Variants in UPRT observed in about 807,000 individuals in gnomAD.
UPRT encodes uracil phosphoribosyltransferase homolog, also known as RP11-311P8.3.
In UPRT, 5 loss-of-function variants were observed where a neutral mutation model predicts 22.6. The observed-to-expected ratio is 0.22, with a 90% confidence interval of 0.12 to 0.47. The LOEUF (loss-of-function observed/expected upper bound fraction) is 0.47. Ranked by LOEUF, UPRT falls within the 20% of genes least tolerant of loss-of-function variation. The pLI is 0.99. For missense variants in UPRT, 181 were observed against 239.9 expected, an observed-to-expected ratio of 0.75 and a Z score of 1.62; for synonymous variants, 77 against 87.7, an observed-to-expected ratio of 0.88 and a Z score of 0.68.
chrX:75,189,702 C>G (rs1294986885), intron 4 of UPRT, among the ~76,000 whole-genome samples: 1 of 112,207 alleles, frequency 8.9e-6, no homozygotes, highest in African/African-American at 3.2e-5. Context: ...ATATTTAGCT[C>G]TTCTTGTTGA....
At chrX:75,238,813 C>T (rs1010337727) in intron 4 of UPRT, among the ~76,000 whole-genome samples, 2 of 111,546 alleles carry the variant, frequency 1.8e-5, no homozygotes, top group Non-Finnish European at 3.8e-5. Flanking sequence ...TCAATAGGAA[C>T]CCTTAAAAGT....
intron 4 of UPRT, among the ~76,000 whole-genome samples, chrX:75,180,405 G>C (rs894402783): frequency 1.8e-5 from 2 of 111,885 alleles, no homozygotes; most frequent in Non-Finnish European, 3.8e-5. Flanking sequence ...TAGACCTTCA[G>C]GTTCCCCAGT....
intron 6 of UPRT, 67 bp from the exon 7 acceptor site, chrX:75,303,338 C>T: frequency 1.1e-6 from 1 of 886,181 alleles, no homozygotes; most frequent in Non-Finnish European, 1.6e-6. Context: ...GCAATAACTA[C>T]AAAATTCCTG....
At chrX:75,205,346 C>T (rs2082361824) in intron 4 of UPRT, among the ~76,000 whole-genome samples, 1 of 97,794 alleles carries the variant, frequency 1.0e-5, no homozygotes, top group Non-Finnish European at 2.0e-5. Context: ...GTCTGCAGTC[C>T]GCAGTCCGGC....
At chrX:75,207,034 T>C (rs923743410) in intron 4 of UPRT, among the ~76,000 whole-genome samples, 84 of 112,403 alleles carry the variant, frequency 7.5e-4, no homozygotes, top group Non-Finnish European at 7.5e-5. Flanking sequence ...GTTATGGCAT[T>C]TGTAGCCTTT....
At chrX:75,258,100 G>A (rs1311528561) in intron 4 of UPRT, among the ~76,000 whole-genome samples, 2 of 110,648 alleles carry the variant, frequency 1.8e-5, no homozygotes, top group African/African-American at 6.6e-5. Context: ...CTGCAGACCT[G>A]GAGATTCCCT....
chrX:75,242,128 T>G (rs1038680630), intron 4 of UPRT, among the ~76,000 whole-genome samples: 6 of 111,727 alleles, frequency 5.4e-5, no homozygotes, highest in Non-Finnish European at 9.4e-5. Context: ...GTAGACATTT[T>G]GAGATCTAAG....
intron 4 of UPRT, among the ~76,000 whole-genome samples, chrX:75,192,592 T>C (rs1326113003): frequency 8.9e-6 from 1 of 111,796 alleles, no homozygotes; most frequent in African/African-American, 3.3e-5. Context: ...TGTGTGGTTA[T>C]CTAAATCTCT....
chrX:75,258,396 A>G (rs1278020827), intron 4 of UPRT, among the ~76,000 whole-genome samples: 1 of 109,603 alleles, frequency 9.1e-6, no homozygotes, highest in Non-Finnish European at 1.9e-5. Flanking sequence ...CTGCCAGTAC[A>G]GTAGTCTGAG....
chrX:75,235,579 C>T (rs1338754105), intron 4 of UPRT, among the ~76,000 whole-genome samples: 3 of 111,701 alleles, frequency 2.7e-5, no homozygotes, highest in East Asian at 2.8e-4. Context: ...TCCAGCAGCA[C>T]ATCAAAAAGC....
At chrX:75,211,175 AAGAGGGGAGTGAGTACCCC>A (rs1418095109) in intron 4 of UPRT, among the ~76,000 whole-genome samples, 1 of 110,926 alleles carries the variant, frequency 9.0e-6, no homozygotes, top group Non-Finnish European at 1.9e-5. Flanking sequence ...AGAAATTTAG[AAGAGGGGAGTGAGTACCCC>A]AGAGGGGAGT....
chrX:75,236,899 A>T (rs1410430156), intron 4 of UPRT, among the ~76,000 whole-genome samples: 1 of 112,507 alleles, frequency 8.9e-6, no homozygotes, highest in Non-Finnish European at 1.9e-5. Flanking sequence ...CAAGGACTTC[A>T]TGTCTAAAAC....
intron 4 of UPRT, among the ~76,000 whole-genome samples, chrX:75,249,847 T>G (rs1239658983): frequency 8.1e-5 from 9 of 110,980 alleles, no homozygotes; most frequent in Non-Finnish European, 1.5e-4. Flanking sequence ...GAACAGAAAT[T>G]ATAACAAACT....
At chrX:75,257,408 C>T (rs1476653402) in intron 4 of UPRT, among the ~76,000 whole-genome samples, 1 of 111,471 alleles carries the variant, frequency 9.0e-6, no homozygotes, top group Non-Finnish European at 1.9e-5. Context: ...CCACAGCCAA[C>T]ATAATATTGA....
chrX:75,225,477 C>G (rs1369595668), intron 4 of UPRT, among the ~76,000 whole-genome samples: 1 of 110,863 alleles, frequency 9.0e-6, no homozygotes, highest in Non-Finnish European at 1.9e-5. Context: ...CAGTTTTACT[C>G]CTCCTGAGAA....
At chrX:75,264,958 T>G (rs1283163161) in intron 4 of UPRT, among the ~76,000 whole-genome samples, 2 of 112,112 alleles carry the variant, frequency 1.8e-5, no homozygotes, top group Non-Finnish European at 3.8e-5. Context: ...TTGGCTGATA[T>G]GAAATTCTGG....
chrX:75,275,191 C>T (rs1457585907), intron 1 of UPRT, among the ~76,000 whole-genome samples: 1 of 111,864 alleles, frequency 8.9e-6, no homozygotes, highest in Non-Finnish European at 1.9e-5. Flanking sequence ...TATCGTCCAA[C>T]TCTTATCATT....
At chrX:75,291,777 C>T (rs1340419215) in intron 1 of UPRT, among the ~76,000 whole-genome samples, 1 of 111,363 alleles carries the variant, frequency 9.0e-6, no homozygotes, top group African/African-American at 3.3e-5. Context: ...AGTAGAGTTA[C>T]TTGGAGTGGT....
intron 4 of UPRT, among the ~76,000 whole-genome samples, chrX:75,236,426 T>G (rs1322220808): frequency 9.0e-6 from 1 of 111,592 alleles, no homozygotes. Flanking sequence ...AATGACTTTC[T>G]TCACAGAATT....
Sources: allele counts gnomAD v4.1 joint callset (sites outside exome capture counted in the v4.1 genomes callset), GRCh38; gene constraint gnomAD v4.1.1; transcripts MANE v1.5; gene names NCBI Gene and HGNC (gene_info 2026-07-23, HGNC 2026-07-21).